DEPTOR: variants seen among roughly 807,000 people sequenced by gnomAD.
DEPTOR encodes the protein DEP domain-containing mTOR-interacting protein.
Under a neutral mutation model 41.6 loss-of-function variants are expected in DEPTOR, and 41 were observed. The ratio of observed to expected loss-of-function variants is 0.98; its 90% CI spans 0.77 to 1.28. The LOEUF (loss-of-function observed/expected upper bound fraction) is 1.28, where lower values mean the gene tolerates loss of function less well. DEPTOR is among the 50% of genes most tolerant of loss of function. DEPTOR has a pLI of 0.00. For synonymous variants in DEPTOR, 195 were observed against 192.3 expected, an observed-to-expected ratio of 1.01 and a Z score of -0.12; for missense variants, 514 against 527.9, an observed-to-expected ratio of 0.97 and a Z score of 0.26.
chr8:120,003,211 C>T (rs1812383344), intron 6 of DEPTOR, 100 bp downstream of exon 6: 4 of 1,537,242 alleles, frequency 2.6e-6, no homozygotes, highest in Non-Finnish European at 3.5e-6. Flanking sequence ...TGTGTGGGTT[C>T]TAATAAGTTA....
chr8:119,941,766 T>C (rs1421802092), intron 3 of DEPTOR, among the ~76,000 whole-genome samples: 25 of 152,162 alleles, frequency 1.6e-4, no homozygotes, highest in Admixed American at 1.6e-3. Context: ...ATAGGGAAAT[T>C]GAGTCTAGAG....
At chr8:120,009,283 C>G in intron 8 of DEPTOR, 150 bp downstream of exon 8, 2 of 724,310 alleles carry the variant, frequency 2.8e-6, no homozygotes, top group Non-Finnish European at 4.5e-6. Flanking sequence ...AAGTCTTTAA[C>G]CTTTCCCTGG....
Position 119,930,040 on chromosome 8 carries a change from G to A in DEPTOR, c.425+102G>A, listed in dbSNP as rs1243586513. 8 of 1,397,318 alleles carry A rather than the reference G, an allele frequency of 5.7e-6. No homozygotes were observed. In the Admixed American group the frequency reaches 1.6e-4, roughly 28 times the overall value. The allele number at this position is 1,397,318 out of a possible 1,614,324, so 86.6% of individuals were successfully genotyped here. On this transcript the variant is annotated intron_variant, in intron 3 of 8. Transcript: ENST00000286234. ...ATTTCAGCGTGGCTTTTCTATGTGG[G>A]CTGGTTACATAACTGTTCTTTTCCA... is the stretch of plus-strand genomic sequence containing the variant.
intron 4 of DEPTOR, among the ~76,000 whole-genome samples, chr8:119,995,712 C>T (rs1812249988): frequency 6.6e-6 from 1 of 152,026 alleles, no homozygotes; most frequent in African/African-American, 2.4e-5. Flanking sequence ...TTTTAGCAGG[C>T]TTTGGTATTG....
chr8:119,999,355 T>C (rs916236287), intron 4 of DEPTOR, among the ~76,000 whole-genome samples: 1 of 152,168 alleles, frequency 6.6e-6, no homozygotes, highest in South Asian at 2.1e-4. Flanking sequence ...TTAGAACATA[T>C]AAGACACTTA....
intron 1 of DEPTOR, among the ~76,000 whole-genome samples, chr8:119,888,054 C>A (rs1827397010): frequency 6.6e-6 from 1 of 152,260 alleles, no homozygotes; most frequent in Admixed American, 6.5e-5. Context: ...CTCCTGGGCT[C>A]AAGTAATCTT....
chr8:119,978,727 CA>C (rs1453567765), intron 4 of DEPTOR, among the ~76,000 whole-genome samples: 1 of 152,168 alleles, frequency 6.6e-6, no homozygotes, highest in African/African-American at 2.4e-5. Flanking sequence ...CAGGTATAAA[CA>C]ATGATTACTC....
intron 1 of DEPTOR, among the ~76,000 whole-genome samples, chr8:119,904,279 C>T (rs1827632721): frequency 6.6e-6 from 1 of 151,820 alleles, no homozygotes; most frequent in Non-Finnish European, 1.5e-5. Flanking sequence ...CCACCACGCC[C>T]AGCTGATTTT....
In DEPTOR at chr8:120,008,698, C is replaced by T. The variant is rs557621767; in HGVS notation, c.997-331C>T. ...CTGGAGAGACATTTCAACCACGTTACGACTTTTTCTAAACCTTCTATTGGA... is the reference window on the plus strand; with the variant it reads ...CTGGAGAGACATTTCAACCACGTTATGACTTTTTCTAAACCTTCTATTGGA... On this transcript the variant is annotated intron_variant, in intron 7 of 8. Coordinates refer to ENST00000286234, the MANE Select transcript of DEPTOR (RefSeq NM_022783.4). 7.9e-5 allele frequency among the ~76,000 whole-genome samples: 12 copies of T among 152,238 alleles called. No individual in the cohort carries two copies. In the South Asian group the frequency reaches 1.9e-3, roughly 24 times the overall value.
In DEPTOR at chr8:120,031,838, T is replaced by C. The variant is rs547713609; in HGVS notation, c.1102-17738T>C. On this transcript the variant is annotated intron_variant, in intron 8 of 8. Transcript: ENST00000286234. Reference sequence around the variant, plus strand: ...GGGAGCTTCCATTTTTTATGCCTCCTTTCAATTCCCACTGCTGTGACTTGA... The same window carrying C: ...GGGAGCTTCCATTTTTTATGCCTCCCTTCAATTCCCACTGCTGTGACTTGA... 2.0e-5 allele frequency among the ~76,000 whole-genome samples: 3 copies of C among 152,238 alleles called. No homozygotes were observed. The South Asian group carries it at 6.2e-4, about 32-fold the overall frequency.
At chr8:119,874,693 C>A (rs1325259170) in intron 1 of DEPTOR, among the ~76,000 whole-genome samples, 2 of 152,126 alleles carry the variant, frequency 1.3e-5, no homozygotes, top group East Asian at 3.9e-4. Flanking sequence ...GGGACCCTGG[C>A]TCCTGCAAGA....
chr8:119,913,351 A>T (rs1249881410), intron 1 of DEPTOR, among the ~76,000 whole-genome samples: 2 of 152,224 alleles, frequency 1.3e-5, no homozygotes, highest in Non-Finnish European at 2.9e-5. Flanking sequence ...AAAAAAGAGG[A>T]CGAACAAAGA....
chr8:119,902,086 T>A (rs1018481721), intron 1 of DEPTOR, among the ~76,000 whole-genome samples: 12 of 152,202 alleles, frequency 7.9e-5, no homozygotes, highest in African/African-American at 2.9e-4. Context: ...CTACTGACCC[T>A]TAATCCTATG....
intron 8 of DEPTOR, among the ~76,000 whole-genome samples, chr8:120,023,381 C>T (rs1586662281): frequency 6.6e-6 from 1 of 152,132 alleles, no homozygotes; most frequent in African/African-American, 2.4e-5. Flanking sequence ...GCTGGGATTA[C>T]AGGCACGCAC....
rs1330183333 is a variant in DEPTOR, at chr8:119,980,451, C to CT, written c.604+15047dup. ...CCTGACCTGTGTGCATTTCATTTTT[C>CT]TTTTTTCTTTTCTTTTCTTTTCTTT... On this transcript the variant is annotated intron_variant, in intron 4 of 8. Coordinates refer to ENST00000286234, the MANE Select transcript of DEPTOR (RefSeq NM_022783.4). 1.6e-3 allele frequency among the ~76,000 whole-genome samples: 169 copies of CT among 106,580 alleles called. 2 individuals are homozygous for CT. Among genetic ancestry groups the CT allele is most frequent in the African/African-American group, 5.5e-3 (150 of 27,190 alleles). 69.9% of individuals were successfully genotyped at this position (106,580 alleles called of 152,430 possible).
chr8:119,909,198 G>C (rs1015816261), intron 1 of DEPTOR, among the ~76,000 whole-genome samples: 1 of 152,150 alleles, frequency 6.6e-6, no homozygotes, highest in African/African-American at 2.4e-5. Context: ...TTTCCAAAGG[G>C]TCCTCTTTCA....
chr8:119,915,448 T>C (rs1827798956), intron 1 of DEPTOR, among the ~76,000 whole-genome samples: 1 of 152,158 alleles, frequency 6.6e-6, no homozygotes, highest in Non-Finnish European at 1.5e-5. Flanking sequence ...TTTCCAGAAA[T>C]GACTTGCAGG....
chr8:119,950,508 C>T (rs1828338408), intron 3 of DEPTOR, among the ~76,000 whole-genome samples: 1 of 152,126 alleles, frequency 6.6e-6, no homozygotes, highest in Non-Finnish European at 1.5e-5. Flanking sequence ...CTTCACCTCC[C>T]AGGTTCAAGC....
At chr8:120,023,361 C>T (rs1219321732) in intron 8 of DEPTOR, among the ~76,000 whole-genome samples, 1 of 152,130 alleles carries the variant, frequency 6.6e-6, no homozygotes, top group African/African-American at 2.4e-5. Context: ...CTGCCTCAGC[C>T]TCCCAAGTAG....
Sources: gnomAD v4.1 joint callset for allele counts (sites outside exome capture counted in the v4.1 genomes callset) on GRCh38, gnomAD v4.1.1 for gene constraint, MANE v1.5 for transcripts, NCBI Gene and HGNC (gene_info 2026-07-23, HGNC 2026-07-21) for gene names.